The following MYLK variants were observed in gnomAD, a reference collection of about 807,000 sequenced individuals.
MYLK encodes myosin light chain kinase, also known as myosin light chain kinase, smooth muscle.
MYLK carries 106 observed loss-of-function variants against 203.4 expected under a neutral mutation model. That is an observed-to-expected ratio of 0.52 (90% CI 0.45 to 0.61). The LOEUF (loss-of-function observed/expected upper bound fraction) is 0.61, where lower values mean the gene tolerates loss of function less well. Ranked by LOEUF, MYLK falls within the 20% of genes least tolerant of loss-of-function variation. The pLI is 0.00. For synonymous variants in MYLK, 867 were observed against 959.5 expected (o/e 0.90, Z 1.78); for missense variants, 2,072 against 2,442.3 (o/e 0.85, Z 3.20).
chr3:123,672,060 C>G (rs908105034), intron 20 of MYLK, among the ~76,000 whole-genome samples: 1 of 152,034 alleles, frequency 6.6e-6, no homozygotes, highest in African/African-American at 2.4e-5. Context: ...AAGCTCTAAC[C>G]CTTGGTACCT....
At position 123,847,198 on chromosome 3, in the gene MYLK, C is replaced by T. The variant is rs75302477; in HGVS notation, c.-126-15528G>A. The stretch of plus-strand genomic sequence containing the variant: ...TCTAAAGATGATTTACAGTATACAG[C>T]AGGATACATGTAGACTATATGCAAA... On this transcript the variant is annotated intron_variant, in intron 2 of 33. Coordinates refer to ENST00000360304, the MANE Select transcript of MYLK (RefSeq NM_053025.4). Among the ~76,000 whole-genome samples the T allele has an allele frequency of 6.6e-3, 997 of 152,124 alleles. 9 individuals carry two copies. Among genetic ancestry groups the T allele is most frequent in the African/African-American group, 0.02 (842 of 41,508 alleles).
At chr3:123,848,181 A>C (rs189100679) in intron 2 of MYLK, among the ~76,000 whole-genome samples, 16 of 149,858 alleles carry the variant, frequency 1.1e-4, no homozygotes, top group Middle Eastern at 3.4e-3. Flanking sequence ...TAGGTTTTTG[A>C]TGTTTATTAT....
chr3:123,714,170 T>A (rs1052190189), intron 13 of MYLK, among the ~76,000 whole-genome samples: 1 of 152,134 alleles, frequency 6.6e-6, no homozygotes, highest in Non-Finnish European at 1.5e-5. Flanking sequence ...ATTGGGCAGA[T>A]TGTGTCTGTT....
chr3:123,616,260 A>G (rs2057485518), intron 33 of MYLK: 1 of 152,200 alleles, frequency 6.6e-6, no homozygotes. Flanking sequence ...CCTATGGACA[A>G]TTGGAAATGG....
In MYLK at chr3:123,648,359, G is replaced by A. The variant is rs1244554300; in HGVS notation, c.4415+612C>T. Among the ~76,000 whole-genome samples the A allele has an allele frequency of 1.3e-5, 2 of 152,204 alleles. No homozygotes were observed. Among genetic ancestry groups the A allele is most frequent in the South Asian group, 2.1e-4 (1 of 4,832 alleles). ...GCTGCGCGTTTAATGGAGCACTAAC[G>A]CAGGCATTGCTTTACAGTGAGCACT... On this transcript the variant is annotated intron_variant, in intron 26 of 33. Coordinates refer to ENST00000360304, the MANE Select transcript of MYLK (RefSeq NM_053025.4). This position sits in a 1 kb window ranked among gnomAD's most constrained non-coding sequence, Gnocchi z 4.5.
At chr3:123,811,052 A>G (rs1236203314) in intron 3 of MYLK, among the ~76,000 whole-genome samples, 2 of 152,232 alleles carry the variant, frequency 1.3e-5, no homozygotes, top group Admixed American at 1.3e-4. Context: ...CTGGAAAGAA[A>G]TGGTGACCTC....
intron 2 of MYLK, among the ~76,000 whole-genome samples, chr3:123,848,901 G>A (rs1232643615): frequency 1.3e-5 from 2 of 152,154 alleles, no homozygotes; most frequent in Admixed American, 1.3e-4. Context: ...TAAAGCCATG[G>A]TCATTTAGAT....
At chr3:123,680,769 G>A (rs1370421754) in intron 20 of MYLK, among the ~76,000 whole-genome samples, 8 of 152,326 alleles carry the variant, frequency 5.3e-5, no homozygotes, top group Non-Finnish European at 1.2e-4. Context: ...TGTAGTCTGA[G>A]TTAACCCGGC....
intron 15 of MYLK, 49 bp from the exon 16 acceptor site, chr3:123,708,052 C>G (rs1486552829): frequency 6.2e-7 from 1 of 1,610,760 alleles, no homozygotes; most frequent in Admixed American, 1.7e-5. Flanking sequence ...CCTCAGCAGG[C>G]AGTGTCCACT....
At position 123,626,890 on chromosome 3, in the gene MYLK, A is replaced by G. The variant is rs140870383; in HGVS notation, c.5166T>C (p.Asp1722=). 9.9e-5 allele frequency: 159 copies of G among 1,614,142 alleles called. No individual in the cohort carries two copies. In the African/African-American group the frequency reaches 1.7e-3, roughly 17 times the overall value. ...GTTTCTTGGCCTCCATGTTCTTGGTATCTTTCATTAGCCATGGATGCTGAA... is the reference window on the plus strand; with the variant it reads ...GTTTCTTGGCCTCCATGTTCTTGGTGTCTTTCATTAGCCATGGATGCTGAA... The part of the protein sequence containing the change: ...QCLQHPWLMK[D]TKNMEAKKLS... The change falls in exon 31 of 34, where the codon GAT becomes GAC. Residue 1722 remains aspartate, a synonymous_variant. Transcript: ENST00000360304.
chr3:123,724,820 C>T (rs2062222549), intron 12 of MYLK, among the ~76,000 whole-genome samples: 1 of 152,160 alleles, frequency 6.6e-6, no homozygotes, highest in African/African-American at 2.4e-5. Context: ...TCTCGGCTCA[C>T]TGCAACCTCT....
chr3:123,650,489 G>GT (rs1224493833), intron 24 of MYLK, among the ~76,000 whole-genome samples: 1 of 152,082 alleles, frequency 6.6e-6, no homozygotes, highest in African/African-American at 2.4e-5. Context: ...GAGTGTGAGT[G>GT]TGAGTGTGTT....
At chr3:123,796,652 C>G (rs976661753) in intron 3 of MYLK, among the ~76,000 whole-genome samples, 2 of 152,160 alleles carry the variant, frequency 1.3e-5, no homozygotes, top group Non-Finnish European at 2.9e-5. Context: ...GGATGTACCA[C>G]TGAACACTCT....
At chr3:123,678,402 T>C (rs1075940) in intron 20 of MYLK, among the ~76,000 whole-genome samples, 1 of 152,082 alleles carries the variant, frequency 6.6e-6, no homozygotes, top group Admixed American at 6.6e-5. Flanking sequence ...CCTGCACTTG[T>C]GAGTCAGTGT....
chr3:123,716,092 G>A (rs2061883414), intron 13 of MYLK: 2 of 152,200 alleles, frequency 1.3e-5, no homozygotes, highest in Non-Finnish European at 2.9e-5. Context: ...GGGGCACCAT[G>A]GAAGCACAGT....
chr3:123,819,788 T>C (rs1466726252), intron 3 of MYLK, among the ~76,000 whole-genome samples: 1 of 15,516 alleles, frequency 6.4e-5, no homozygotes, highest in South Asian at 2.0e-3. Context: ...CTAAGCCTCC[T>C]TTTTTTTTTT....
chr3:123,683,205 G>T (rs2060330070), intron 19 of MYLK, among the ~76,000 whole-genome samples: 1 of 151,938 alleles, frequency 6.6e-6, no homozygotes, highest in Non-Finnish European at 1.5e-5. Flanking sequence ...AGCACTCTTT[G>T]GGGACGGCGC....
chr3:123,865,334 T>G (rs537943039), intron 2 of MYLK, among the ~76,000 whole-genome samples: 2 of 152,200 alleles, frequency 1.3e-5, no homozygotes, highest in Non-Finnish European at 2.9e-5. Flanking sequence ...ATCTCCATAC[T>G]CATGTCTCTT....
intron 4 of MYLK, among the ~76,000 whole-genome samples, chr3:123,759,379 T>G (rs2063463207): frequency 6.6e-6 from 1 of 152,192 alleles, no homozygotes; most frequent in Admixed American, 6.5e-5. Context: ...CACTCTTCTG[T>G]GGCAGCTCTC....
Sources: allele counts gnomAD v4.1 joint callset (sites outside exome capture counted in the v4.1 genomes callset), GRCh38; gene constraint gnomAD v4.1.1; non-coding constraint Gnocchi (gnomAD v3.1); transcripts MANE v1.5; gene names NCBI Gene and HGNC (gene_info 2026-07-23, HGNC 2026-07-21).